Variants in VPS36 observed in about 807,000 individuals in gnomAD.
VPS36 encodes the protein vacuolar protein sorting 36 homolog.
VPS36 carries 31 observed loss-of-function variants against 63.5 expected under a neutral mutation model. The observed-to-expected ratio is 0.49, with a 90% CI of 0.37 to 0.66. The LOEUF (loss-of-function observed/expected upper bound fraction) is 0.66. Among genes scored for constraint, VPS36 ranks in the 30% least tolerant of loss-of-function variants. VPS36 has a pLI of 0.00. For synonymous variants in VPS36, 138 were observed against 157.2 expected (o/e 0.88, Z 0.91); for missense variants, 338 against 463.7 (o/e 0.73, Z 2.49).
At chr13:52,435,008 G>A (rs974159125) in intron 4 of VPS36, 126 bp from the exon 5 acceptor site, 4 of 827,104 alleles carry the variant, frequency 4.8e-6, no homozygotes, top group African/African-American at 3.0e-5. Flanking sequence ...TTTTGTTCTT[G>A]TTGCCCAGGC....
At chr13:52,430,415 G>A (rs898658266) in intron 6 of VPS36, among the ~76,000 whole-genome samples, 7 of 152,054 alleles carry the variant, frequency 4.6e-5, no homozygotes, top group African/African-American at 1.2e-4. Flanking sequence ...ACCGGATCAC[G>A]AGGTCAGGAG....
chr13:52,443,369 G>A (rs1958300358), intron 1 of VPS36, among the ~76,000 whole-genome samples: 1 of 152,156 alleles, frequency 6.6e-6, no homozygotes. Context: ...GAGCCTTTGG[G>A]AAGTGATTAG....
chr13:52,426,466 T>C (rs1358806651), intron 8 of VPS36, among the ~76,000 whole-genome samples: 2 of 152,240 alleles, frequency 1.3e-5, no homozygotes, highest in Non-Finnish European at 2.9e-5. Flanking sequence ...TCAGTATTTC[T>C]GTTTTCTACA....
At chr13:52,450,029 C>T (rs1461183789) in intron 1 of VPS36, 4 of 986,994 alleles carry the variant, frequency 4.1e-6, no homozygotes, top group Non-Finnish European at 4.8e-6. Flanking sequence ...TCCGCTGGGG[C>T]ACGGACTGTA....
chr13:52,442,977 G>A (rs1258977683), intron 1 of VPS36, among the ~76,000 whole-genome samples: 2 of 152,144 alleles, frequency 1.3e-5, no homozygotes, highest in Non-Finnish European at 2.9e-5. Flanking sequence ...CTTTGCAATT[G>A]AATTCATGTA....
At chr13:52,426,163 T>A in intron 8 of VPS36, 97 bp from the exon 9 acceptor site, 1 of 1,447,324 alleles carries the variant, frequency 6.9e-7, no homozygotes, top group Non-Finnish European at 9.4e-7. Context: ...TATGTCTACA[T>A]ATCCCCATTC....
At chr13:52,421,318 G>T (rs978472033) in intron 10 of VPS36, among the ~76,000 whole-genome samples, 7 of 152,038 alleles carry the variant, frequency 4.6e-5, no homozygotes, top group African/African-American at 1.4e-4. Context: ...TCTTAAAAAA[G>T]TTGATCTCAT....
chr13:52,439,087 C>T lies in VPS36; in HGVS notation c.236+11G>A, dbSNP rs1163269090. ...TTCTGTGAATAAAGACTGTGCTATA[C>T]ACAGACTTACCTCTTCCCAATTCCA... On this transcript the variant is annotated intron_variant, in intron 3 of 13. Coordinates refer to ENST00000378060, the MANE Select transcript of VPS36 (RefSeq NM_016075.4). 1.2e-6 allele frequency: 2 copies of T among 1,612,830 alleles called. No homozygotes were observed. The highest frequency in any genetic ancestry group is 2.7e-5 in the African/African-American group (2 of 74,920).
At chr13:52,449,172 C>A (rs1190799548) in intron 1 of VPS36, among the ~76,000 whole-genome samples, 1 of 151,962 alleles carries the variant, frequency 6.6e-6, no homozygotes, top group African/African-American at 2.4e-5. Flanking sequence ...GGTGAAACCC[C>A]GTCTCTACTA....
At chr13:52,437,715 G>C (rs1958232999) in intron 3 of VPS36, among the ~76,000 whole-genome samples, 1 of 152,142 alleles carries the variant, frequency 6.6e-6, no homozygotes, top group African/African-American at 2.4e-5. Flanking sequence ...TGGATCATGA[G>C]GTCAGGAGAT....
intron 1 of VPS36, chr13:52,449,980 T>C: frequency 1.0e-6 from 1 of 985,720 alleles, no homozygotes; most frequent in Non-Finnish European, 1.2e-6. Flanking sequence ...TGCCCAGATA[T>C]GCTAATCCCT....
intron 6 of VPS36, among the ~76,000 whole-genome samples, chr13:52,432,074 T>C (rs191317564): frequency 1.7e-3 from 253 of 152,236 alleles, no homozygotes; most frequent in African/African-American, 5.9e-3. Context: ...ATTAGTTGGC[T>C]GGGCGCGGTG....
rs1415478424 is a variant in VPS36, at chr13:52,426,994, C to A, written c.634G>T (p.Asp212Tyr). 2 of 1,611,348 alleles carry A rather than the reference C, an allele frequency of 1.2e-6. No individual in the cohort carries two copies. The highest frequency in any genetic ancestry group is 1.7e-6 in the Non-Finnish European group (2 of 1,178,896). The change falls in exon 8 of 14, where the codon GAT becomes TAT. Residue 212 changes from aspartate to tyrosine, a missense_variant. By Grantham distance (160) the Asp-to-Tyr change is radical. Coordinates refer to ENST00000378060, the MANE Select transcript of VPS36 (RefSeq NM_016075.4). The stretch of plus-strand genomic sequence containing the variant: ...AAAAAAAGCAACTTATTTACCTCAT[C>A]TTCTGTGATGTCACCTTGTTTGTCT... ...IKDKQGDITE[D>Y]ETIRFKSYLL...
At position 52,434,971 on chromosome 13, in the gene VPS36, CTTTTTTTT is replaced by C. The variant is rs869257101; in HGVS notation, c.352-97_352-90del. 3.7e-5 allele frequency: 30 copies of C among 809,198 alleles called. No individual in the cohort carries two copies. The South Asian group carries it at 3.7e-4, about 10-fold the overall frequency. The allele number at this position is 809,198 out of a possible 1,614,324, so 50.1% of individuals were successfully genotyped here. Reference sequence around the variant, plus strand: ...TTACTTAACATTTCTTTCTTTTTTTCTTTTTTTTTTTTTTTTTGAGGTGGAGTTTTGTT... The same window carrying C: ...TTACTTAACATTTCTTTCTTTTTTTCTTTTTTTTTGAGGTGGAGTTTTGTT... On this transcript the variant is annotated intron_variant, in intron 4 of 13. Transcript: ENST00000378060.
intron 10 of VPS36, among the ~76,000 whole-genome samples, chr13:52,422,676 TTTG>T (rs1958058460): frequency 6.6e-6 from 1 of 152,232 alleles, no homozygotes; most frequent in Non-Finnish European, 1.5e-5. Flanking sequence ...GCTGCACTAG[TTTG>T]TTAAGGATAA....
chr13:52,421,521 GTTTTTTT>G (rs545997400), intron 10 of VPS36, among the ~76,000 whole-genome samples: 1 of 130,042 alleles, frequency 7.7e-6, no homozygotes, highest in Non-Finnish European at 1.7e-5. Flanking sequence ...TTCTGAGTAG[GTTTTTTT>G]TTTTTTTTTT....
Position 52,427,406 on chromosome 13 carries a change from C to T in VPS36, c.529-187G>A, listed in dbSNP as rs1452424472. On this transcript the variant is annotated intron_variant, in intron 6 of 13. Transcript: ENST00000378060. ...AGATCACGAGGTCAGGAGATCGAGA[C>T]CATCCTGGCTAACACGGTGAAACCC... is the stretch of plus-strand genomic sequence containing the variant. Among the ~76,000 whole-genome samples the T allele has an allele frequency of 2.0e-5, 3 of 152,166 alleles. No individual in the cohort carries two copies. In the East Asian group the frequency reaches 5.8e-4, roughly 29 times the overall value.
intron 5 of VPS36, 131 bp downstream of exon 5, chr13:52,434,662 A>G (rs1222504452): frequency 1.0e-6 from 1 of 957,924 alleles, no homozygotes; most frequent in East Asian, 2.5e-5. Flanking sequence ...CCTACCGAAA[A>G]TAAATTCTTT....
At chr13:52,441,834 C>T (rs998728021) in intron 2 of VPS36, among the ~76,000 whole-genome samples, 13 of 152,176 alleles carry the variant, frequency 8.5e-5, no homozygotes, top group African/African-American at 3.1e-4. Context: ...AAAGCATGCA[C>T]TTGATGGCAG....
Sources: allele counts gnomAD v4.1 joint callset (sites outside exome capture counted in the v4.1 genomes callset), GRCh38; gene constraint gnomAD v4.1.1; transcripts MANE v1.5; gene names NCBI Gene and HGNC (gene_info 2026-07-23, HGNC 2026-07-21).